Variants in NRG2 observed in about 807,000 individuals in gnomAD.
NRG2 encodes pro-neuregulin-2, membrane-bound isoform.
In NRG2, 27 loss-of-function variants were observed where a neutral mutation model predicts 73.9. The observed-to-expected ratio is 0.37, with a 90% CI of 0.27 to 0.50. The LOEUF is 0.50. NRG2 is among the 20% of genes least tolerant of loss of function. NRG2 has a pLI of 0.96. For missense variants in NRG2, 1,126 were observed against 1,210.1 expected (o/e 0.93, Z 1.03); for synonymous variants, 532 against 541.0 (o/e 0.98, Z 0.23).
At chr5:139,990,001 G>A (rs1014933658) in intron 1 of NRG2, among the ~76,000 whole-genome samples, 6 of 151,282 alleles carry the variant, frequency 4.0e-5, no homozygotes, top group Non-Finnish European at 8.8e-5. Flanking sequence ...TGTTAGCCAG[G>A]ATGGTCTTGA....
chr5:139,890,426 GTTC>G (rs1464692398), intron 1 of NRG2, among the ~76,000 whole-genome samples: 2 of 147,634 alleles, frequency 1.4e-5, no homozygotes, highest in East Asian at 2.0e-4. Flanking sequence ...TATATTGCTG[GTTC>G]TTCTTCTTCG....
chr5:139,863,257 C>T (rs576888251), intron 5 of NRG2, among the ~76,000 whole-genome samples: 5 of 152,350 alleles, frequency 3.3e-5, no homozygotes, highest in South Asian at 2.1e-4. Context: ...TCTTTGAATC[C>T]GAAGCCTGAA....
At chr5:139,982,955 C>G (rs942488032) in intron 1 of NRG2, among the ~76,000 whole-genome samples, 8 of 152,238 alleles carry the variant, frequency 5.3e-5, no homozygotes, top group Non-Finnish European at 5.9e-5. Flanking sequence ...CTTTATCAGG[C>G]TTTATCAGCC....
At chr5:140,031,679 C>T (rs1761168787) in intron 1 of NRG2, among the ~76,000 whole-genome samples, 1 of 152,064 alleles carries the variant, frequency 6.6e-6, no homozygotes, top group African/African-American at 2.4e-5. Flanking sequence ...TACAAAGTAA[C>T]TCCAGAAAAG....
chr5:139,855,296 C>T (rs1032864128), intron 6 of NRG2, among the ~76,000 whole-genome samples: 2 of 152,228 alleles, frequency 1.3e-5, no homozygotes, highest in Admixed American at 6.5e-5. Flanking sequence ...GTCAGCTGCA[C>T]GCTACTGCTC....
Position 140,043,128 on chromosome 5 carries a change from C to T in NRG2, c.-59G>A. ...GCCGCCGCCGCCTTGGGAGGGGAAA[C>T]AGAGCCCGCTGGAAAACCGGAAACA... On this transcript the variant is annotated 5_prime_UTR_variant, in exon 1 of 10. Coordinates refer to ENST00000361474, the MANE Select transcript of NRG2 (RefSeq NM_004883.3). The surrounding 1 kb of genome is among the most constrained non-coding windows in gnomAD (Gnocchi z 6.7). 6.4e-7 allele frequency: 1 copy of T among 1,550,710 alleles called. No individual in the cohort carries two copies.
At chr5:139,941,701 T>C (rs1026028885) in intron 1 of NRG2, among the ~76,000 whole-genome samples, 9 of 152,192 alleles carry the variant, frequency 5.9e-5, no homozygotes, top group Admixed American at 2.0e-4. Context: ...AGTCCCTCAA[T>C]TGCAGAGTTA....
chr5:139,969,687 C>A (rs1299466021), intron 1 of NRG2, among the ~76,000 whole-genome samples: 2 of 152,206 alleles, frequency 1.3e-5, no homozygotes, highest in African/African-American at 4.8e-5. Context: ...AAATAAGACA[C>A]AACTCTTGCC....
intron 1 of NRG2, among the ~76,000 whole-genome samples, chr5:140,001,163 T>C (rs1758439912): frequency 1.3e-5 from 2 of 152,210 alleles, no homozygotes; most frequent in African/African-American, 4.8e-5. Flanking sequence ...ATACCATTTA[T>C]TAGCACTTGG....
intron 1 of NRG2, among the ~76,000 whole-genome samples, chr5:139,983,177 A>AC (rs34152464): frequency 7.9e-5 from 12 of 151,722 alleles, no homozygotes; most frequent in East Asian, 1.9e-4. Flanking sequence ...GCTCAGAGGG[A>AC]CCCCCCTTCC....
chr5:140,023,074 C>T (rs575714944), intron 1 of NRG2, among the ~76,000 whole-genome samples: 2 of 152,214 alleles, frequency 1.3e-5, no homozygotes, highest in Non-Finnish European at 2.9e-5. Flanking sequence ...ACATGCACCT[C>T]TACCCAACTC....
At chr5:140,042,106 T>A (rs915999804) in intron 1 of NRG2, among the ~76,000 whole-genome samples, 9 of 152,080 alleles carry the variant, frequency 5.9e-5, no homozygotes, top group African/African-American at 2.2e-4. Flanking sequence ...CCACATGCCA[T>A]ACATCAGCCG....
chr5:139,871,547 A>G (rs547141066), intron 4 of NRG2, among the ~76,000 whole-genome samples, 174 bp downstream of exon 4: 2 of 152,218 alleles, frequency 1.3e-5, no homozygotes, highest in East Asian at 3.9e-4. Flanking sequence ...CTTAGAGCTT[A>G]TATCTCCTTA....
In NRG2 at chr5:139,868,179, G is replaced by C. The variant is rs1762612423; in HGVS notation, c.1113-2554C>G. Among the ~76,000 whole-genome samples, 1 of 152,136 alleles carries C rather than the reference G, an allele frequency of 6.6e-6. No individual in the cohort carries two copies. The highest frequency in any genetic ancestry group is 2.4e-5 in the African/African-American group (1 of 41,416). On this transcript the variant is annotated intron_variant, in intron 4 of 9. Coordinates refer to ENST00000361474, the MANE Select transcript of NRG2 (RefSeq NM_004883.3). The surrounding 1 kb of genome is among the most constrained non-coding windows in gnomAD (Gnocchi z 4.2). Reference sequence around the variant, plus strand: ...GCTACTGCTGTTCTTTGGGGTGCTAGCTCCTTCAGGGACCTCCTGGACACT... The same window carrying C: ...GCTACTGCTGTTCTTTGGGGTGCTACCTCCTTCAGGGACCTCCTGGACACT...
chr5:139,865,004 G>T lies in NRG2; in HGVS notation c.1189+545C>A. On this transcript the variant is annotated intron_variant, in intron 5 of 9. Coordinates refer to ENST00000361474, the MANE Select transcript of NRG2 (RefSeq NM_004883.3). The surrounding 1 kb of genome is among the most constrained non-coding windows in gnomAD (Gnocchi z 5.2). ...GGTGTTTCCGTCTCCTCTAAGGAGC[G>T]CAGGACACCCTCTACATCTCCCCCT... The T allele has an allele frequency of 1.1e-6, 1 of 922,554 alleles. No homozygotes were observed. The highest frequency in any genetic ancestry group is 1.8e-6 in the Non-Finnish European group (1 of 553,132). 57.1% of individuals were successfully genotyped at this position (922,554 alleles called of 1,614,324 possible).
intron 5 of NRG2, chr5:139,861,864 C>A: frequency 2.2e-6 from 1 of 457,588 alleles, no homozygotes; most frequent in Non-Finnish European, 4.4e-6. Flanking sequence ...CCATGCTGCC[C>A]TGAGAGAACA....
Position 139,847,883 on chromosome 5 carries a change from G to C in NRG2, c.*34C>G. On this transcript the variant is annotated 3_prime_UTR_variant, in exon 10 of 10. Coordinates refer to ENST00000361474, the MANE Select transcript of NRG2 (RefSeq NM_004883.3). The stretch of plus-strand genomic sequence containing the variant: ...GTCTCTGGTCTCCTTAAAGATAGTG[G>C]GGCGGGCGGGGCGGAGGGGCGCGCG... 1 of 1,357,098 alleles carries C rather than the reference G, an allele frequency of 7.4e-7. No homozygotes were observed. Among genetic ancestry groups the C allele is most frequent in the South Asian group, 1.7e-5 (1 of 60,484 alleles). 84.1% of individuals were successfully genotyped at this position (1,357,098 alleles called of 1,614,324 possible).
intron 1 of NRG2, among the ~76,000 whole-genome samples, chr5:139,957,860 G>A (rs185043668): frequency 1.6e-3 from 251 of 152,292 alleles, no homozygotes; most frequent in African/African-American, 5.7e-3. Flanking sequence ...ACTGGTCTCT[G>A]AGGATGTGGT....
chr5:139,944,689 T>C (rs2126441261), intron 1 of NRG2, among the ~76,000 whole-genome samples: 1 of 152,340 alleles, frequency 6.6e-6, no homozygotes, highest in Middle Eastern at 3.4e-3. Flanking sequence ...TTCCATGTCT[T>C]CACTATTGTG....
Sources: allele counts gnomAD v4.1 joint callset (sites outside exome capture counted in the v4.1 genomes callset), GRCh38; gene constraint gnomAD v4.1.1; non-coding constraint Gnocchi (gnomAD v3.1); transcripts MANE v1.5; gene names NCBI Gene and HGNC (gene_info 2026-07-23, HGNC 2026-07-21).